Variants in CSMD1 observed in about 807,000 individuals in gnomAD.
CSMD1 encodes CUB and sushi domain-containing protein 1.
Under a neutral mutation model 417.5 loss-of-function variants are expected in CSMD1, and 213 were observed. The ratio of observed to expected loss-of-function variants is 0.51; its 90% CI spans 0.46 to 0.57. The LOEUF is 0.57. CSMD1 is among the 20% of genes least tolerant of loss of function. The pLI, the probability that CSMD1 is intolerant of heterozygous loss-of-function variation, is 0.00. For missense variants in CSMD1, 6,923 were observed against 4,529.7 expected (o/e 1.53, Z -15.17); for synonymous variants, 2,862 against 1,736.8 (o/e 1.65, Z -16.11).
intron 3 of CSMD1, among the ~76,000 whole-genome samples, chr8:4,304,377 A>C (rs935743044): frequency 2.0e-5 from 3 of 152,124 alleles, no homozygotes; most frequent in African/African-American, 4.8e-5. Context: ...AAGTGAGCTC[A>C]TGTTGTAAAT....
intron 3 of CSMD1, among the ~76,000 whole-genome samples, chr8:4,334,154 G>C (rs185398628): frequency 6.6e-6 from 1 of 151,990 alleles, no homozygotes; most frequent in East Asian, 1.9e-4. Flanking sequence ...ATATCCTCTG[G>C]CCTCAGCTTC....
At chr8:3,509,555 T>G (rs1375226676) in intron 10 of CSMD1, among the ~76,000 whole-genome samples, 1 of 152,194 alleles carries the variant, frequency 6.6e-6, no homozygotes, top group African/African-American at 2.4e-5. Context: ...TAAATTTTAT[T>G]CAATTCCAAT....
chr8:4,669,504 G>T (rs1805159497), intron 1 of CSMD1, among the ~76,000 whole-genome samples: 1 of 152,050 alleles, frequency 6.6e-6, no homozygotes, highest in Non-Finnish European at 1.5e-5. Flanking sequence ...TTTCCTTTCT[G>T]CCTACCCACT....
chr8:4,689,105 C>G (rs1806590052), intron 1 of CSMD1, among the ~76,000 whole-genome samples: 1 of 152,178 alleles, frequency 6.6e-6, no homozygotes, highest in African/African-American at 2.4e-5. Context: ...AATTTGTTCT[C>G]AACCCAACAG....
intron 7 of CSMD1, among the ~76,000 whole-genome samples, chr8:3,651,969 C>A (rs1359393200): frequency 6.7e-6 from 1 of 149,136 alleles, no homozygotes; most frequent in Non-Finnish European, 1.5e-5. Context: ...GCCATCACCA[C>A]CAGAGCGCCT....
At chr8:4,230,367 C>G (rs1197803111) in intron 3 of CSMD1, among the ~76,000 whole-genome samples, 1 of 152,126 alleles carries the variant, frequency 6.6e-6, no homozygotes, top group Non-Finnish European at 1.5e-5. Context: ...ACTCTGGTGA[C>G]CTACCTGAGG....
intron 7 of CSMD1, among the ~76,000 whole-genome samples, chr8:3,640,015 T>A (rs13275972): frequency 0.49 from 74,560 of 151,684 alleles, 18,492 homozygotes; most frequent in Middle Eastern, 0.64. Flanking sequence ...GCTCAATAAA[T>A]GTTTGTCGGA....
chr8:4,311,654 C>T (rs952615635), intron 3 of CSMD1, among the ~76,000 whole-genome samples: 2 of 147,442 alleles, frequency 1.4e-5, no homozygotes, highest in East Asian at 4.2e-4. Flanking sequence ...ACCTGGGAGG[C>T]AGAGGCTGCA....
At chr8:4,796,631 T>C (rs1357627686) in intron 1 of CSMD1, among the ~76,000 whole-genome samples, 1 of 152,084 alleles carries the variant, frequency 6.6e-6, no homozygotes, top group Non-Finnish European at 1.5e-5. Context: ...ACAGGTGGCA[T>C]ACCCATGGGG....
chr8:3,314,468 G>T (rs982749345), intron 23 of CSMD1, among the ~76,000 whole-genome samples: 8 of 152,022 alleles, frequency 5.3e-5, no homozygotes, highest in Non-Finnish European at 1.2e-4. Flanking sequence ...ACAAATACTG[G>T]TTCTGTATTT....
intron 1 of CSMD1, among the ~76,000 whole-genome samples, chr8:4,940,258 C>T (rs1807906405): frequency 6.6e-6 from 1 of 152,130 alleles, no homozygotes; most frequent in Non-Finnish European, 1.5e-5. Flanking sequence ...ATAGTGTGAG[C>T]AGTTAACAGT....
At chr8:2,940,268 A>G (rs982401060) in intron 69 of CSMD1, among the ~76,000 whole-genome samples, 1 of 152,164 alleles carries the variant, frequency 6.6e-6, no homozygotes, top group African/African-American at 2.4e-5. Context: ...AAATTCCACC[A>G]TCCCTCGCTC....
At chr8:3,406,556 T>C (rs983243059) in intron 14 of CSMD1, among the ~76,000 whole-genome samples, 3 of 152,106 alleles carry the variant, frequency 2.0e-5, no homozygotes, top group Non-Finnish European at 4.4e-5. Context: ...CTCGTTAGAA[T>C]CCTGACTTTT....
At chr8:4,511,784 G>A (rs548005154) in intron 2 of CSMD1, among the ~76,000 whole-genome samples, 62 of 152,172 alleles carry the variant, frequency 4.1e-4, no homozygotes, top group African/African-American at 1.5e-3. Flanking sequence ...TACTCCAAGA[G>A]GACTCAATCA....
At chr8:3,432,634 G>A in intron 12 of CSMD1, among the ~76,000 whole-genome samples, 1 of 150,054 alleles carries the variant, frequency 6.7e-6, no homozygotes, top group Non-Finnish European at 1.5e-5. Context: ...TCCTGCCTCA[G>A]CTTCCTGAGT....
intron 5 of CSMD1, among the ~76,000 whole-genome samples, chr8:3,815,999 A>G (rs142962865): frequency 1.2e-3 from 176 of 152,268 alleles, no homozygotes; most frequent in African/African-American, 4.1e-3. Flanking sequence ...ACAACATCAA[A>G]CTTAAAAATG....
intron 3 of CSMD1, among the ~76,000 whole-genome samples, chr8:4,273,948 T>C (rs1585137872): frequency 6.6e-6 from 1 of 152,326 alleles, no homozygotes; most frequent in East Asian, 1.9e-4. Flanking sequence ...GCTGTTGAAG[T>C]GTCCTGGGAG....
At chr8:3,120,074 G>A (rs563603758) in intron 41 of CSMD1, among the ~76,000 whole-genome samples, 1 of 152,236 alleles carries the variant, frequency 6.6e-6, no homozygotes, top group Admixed American at 6.5e-5. Context: ...GTAAACAAAT[G>A]CTGGAAAAGG....
intron 5 of CSMD1, among the ~76,000 whole-genome samples, chr8:3,825,490 T>C (rs1433892262): frequency 6.6e-6 from 1 of 151,734 alleles, no homozygotes; most frequent in Non-Finnish European, 1.5e-5. Flanking sequence ...GATAAACAAA[T>C]AAACAAAAAG....
Sources: allele counts gnomAD v4.1 joint callset (sites outside exome capture counted in the v4.1 genomes callset), GRCh38; gene constraint gnomAD v4.1.1; transcripts MANE v1.5; gene names NCBI Gene and HGNC (gene_info 2026-07-23, HGNC 2026-07-21).